The following TSNAXIP1 variants were observed in gnomAD, a reference collection of about 807,000 sequenced individuals.
The protein encoded by TSNAXIP1 is translin associated factor X interacting protein 1.
TSNAXIP1 carries 89 observed loss-of-function variants against 84.8 expected under a neutral mutation model. That is an observed-to-expected ratio of 1.05 (90% confidence interval 0.88 to 1.25). TSNAXIP1 has a LOEUF of 1.25. Ranked by LOEUF, TSNAXIP1 falls within the 50% of genes most tolerant of loss-of-function variation. The pLI is 0.00. For synonymous variants in TSNAXIP1, 347 were observed against 335.2 expected, an observed-to-expected ratio of 1.04 and a Z score of -0.39; for missense variants, 874 against 887.6, an observed-to-expected ratio of 0.98 and a Z score of 0.20.
rs761811544 is a variant in TSNAXIP1 at position 67,825,697 on chromosome 16, C to T, written c.845C>T (p.Thr282Ile). Residue 282 changes from threonine to isoleucine, a missense_variant, in exon 8 of 16, where the codon ACC becomes ATC. By Grantham distance (89) the Thr-to-Ile change is moderately conservative. Coordinates refer to ENST00000561639, the MANE Select transcript of TSNAXIP1 (RefSeq NM_001288990.3). ...TGGGGGGAGGACCCTGTGAAGTTAA[C>T]CCTGGCTCTTAAGATGACCCGGCAA... Reference protein sequence around the residue: ...GIWGEDPVKLTLALKMTRQDL... With the variant: ...GIWGEDPVKLILALKMTRQDL... The T allele has an allele frequency of 9.9e-6, 16 of 1,614,008 alleles. No homozygotes were observed. Among genetic ancestry groups the T allele is most frequent in the African/African-American group, 1.3e-5 (1 of 75,040 alleles).
chr16:67,815,503 T>C (rs1036317163), intron 2 of TSNAXIP1, among the ~76,000 whole-genome samples: 2 of 151,840 alleles, frequency 1.3e-5, no homozygotes, highest in Non-Finnish European at 2.9e-5. Flanking sequence ...ACCCAGCTAA[T>C]TTTTTTGGCA....
In TSNAXIP1 at chr16:67,825,262, C is replaced by T; in HGVS notation, c.804C>T (p.Ala268=). Residue 268 remains alanine (A), a synonymous_variant, in exon 7 of 16, where the codon GCC becomes GCT. Transcript: ENST00000561639. ...ACCAGCGGGAGGACATGTCATTAGC[C>T]CAGTCGCCAGGTAAGCCTGAATTGG... ...LRYQREDMSL[A]QSPGIWGEDP... is the part of the protein sequence containing the mutation. The T allele has an allele frequency of 6.2e-7, 1 of 1,614,098 alleles. No individual in the cohort carries two copies.
At chr16:67,813,700 C>G (rs576166367) in intron 1 of TSNAXIP1, among the ~76,000 whole-genome samples, 5 of 141,314 alleles carry the variant, frequency 3.5e-5, no homozygotes, top group Non-Finnish European at 7.6e-5. Context: ...CCACTGCACT[C>G]CAGCCTGGGT....
intron 2 of TSNAXIP1, among the ~76,000 whole-genome samples, chr16:67,818,800 T>A (rs1020264329): frequency 2.0e-5 from 3 of 150,264 alleles, no homozygotes; most frequent in East Asian, 2.0e-4. Context: ...GCCTCCAGGG[T>A]TGAGGCAATT....
chr16:67,825,088 T>C (rs746967513), intron 6 of TSNAXIP1, 49 bp from the exon 7 acceptor site: 1 of 1,600,772 alleles, frequency 6.2e-7, no homozygotes, highest in Non-Finnish European at 8.5e-7. Flanking sequence ...ACCAGCTGCA[T>C]ACAGGGGTCC....
chr16:67,810,195 T>A (rs1401063153), intron 1 of TSNAXIP1, among the ~76,000 whole-genome samples: 1 of 152,044 alleles, frequency 6.6e-6, no homozygotes, highest in African/African-American at 2.4e-5. Context: ...CTGGGGCAGG[T>A]TTCTCCTCCC....
chr16:67,824,809 G>T, intron 6 of TSNAXIP1, 30 bp downstream of exon 6: 1 of 1,602,142 alleles, frequency 6.2e-7, no homozygotes, highest in Non-Finnish European at 8.5e-7. Context: ...TGATGACCAA[G>T]TCCCCGAATT....
chr16:67,807,306 C>T, intron 1 of TSNAXIP1, 110 bp downstream of exon 1: 3 of 1,534,678 alleles, frequency 2.0e-6, no homozygotes, highest in Non-Finnish European at 8.7e-7. Context: ...GACCATTGAT[C>T]TAGGGCTCCA....
At chr16:67,814,190 C>A (rs1217210165) in intron 1 of TSNAXIP1, 112 bp from the exon 2 acceptor site, 3 of 844,790 alleles carry the variant, frequency 3.6e-6, no homozygotes, top group Non-Finnish European at 5.6e-6. Flanking sequence ...GGAGGCAGCA[C>A]CCAGAGCCTG....
chr16:67,815,636 C>G (rs1053964625), intron 2 of TSNAXIP1, among the ~76,000 whole-genome samples: 5 of 151,826 alleles, frequency 3.3e-5, no homozygotes, highest in Middle Eastern at 3.2e-3. Context: ...GTAGCTGAGA[C>G]TACAGGAGTG....
intron 5 of TSNAXIP1, among the ~76,000 whole-genome samples, chr16:67,824,315 C>G (rs1336363204): frequency 6.6e-6 from 1 of 152,182 alleles, no homozygotes; most frequent in Non-Finnish European, 1.5e-5. Context: ...CCCTGCCAGG[C>G]TCAGGAGGTG....
intron 3 of TSNAXIP1, 44 bp from the exon 4 acceptor site, chr16:67,821,055 C>T: frequency 6.2e-7 from 1 of 1,611,172 alleles, no homozygotes; most frequent in Non-Finnish European, 8.5e-7. Flanking sequence ...GGCACAAGGG[C>T]CCCGTGGGGG....
In TSNAXIP1 at chr16:67,824,992, G is replaced by A. The variant is rs116393843; in HGVS notation, c.679-145G>A. The stretch of plus-strand genomic sequence containing the variant: ...ACATTGGCACCTTGCCGAATTCTCA[G>A]AAATGGCCAATCTCCTTCTTCTTTC... On this transcript the variant is annotated intron_variant, in intron 6 of 15. Coordinates refer to ENST00000561639, the MANE Select transcript of TSNAXIP1 (RefSeq NM_001288990.3). The A allele has an allele frequency of 3.9e-3, 4,903 of 1,269,508 alleles. 47 individuals carry two copies. Among genetic ancestry groups the A allele is most frequent in the African/African-American group, 0.022 (1,471 of 66,580 alleles). The allele number at this position is 1,269,508 out of a possible 1,614,324, so 78.6% of individuals were successfully genotyped here. A position where few individuals can be genotyped will look rare whatever the true frequency, so the allele number is the denominator to read the frequency against.
chr16:67,818,956 C>T (rs2056814227), intron 2 of TSNAXIP1, among the ~76,000 whole-genome samples: 1 of 151,924 alleles, frequency 6.6e-6, no homozygotes, highest in African/African-American at 2.4e-5. Flanking sequence ...CGCTTGCCTC[C>T]GCCTCCCAAA....
intron 1 of TSNAXIP1, 28 bp from the exon 2 acceptor site, chr16:67,814,274 C>T: frequency 6.7e-7 from 1 of 1,500,592 alleles, no homozygotes; most frequent in Non-Finnish European, 9.0e-7. Flanking sequence ...CTCTGTCACC[C>T]ACCATCAGCT....
chr16:67,807,568 G>T (rs2055565668), intron 1 of TSNAXIP1: 1 of 399,634 alleles, frequency 2.5e-6, no homozygotes, highest in Non-Finnish European at 4.5e-6. Flanking sequence ...GGGCTCAAGC[G>T]ATCCTTCTAC....
intron 2 of TSNAXIP1, among the ~76,000 whole-genome samples, chr16:67,819,815 ATTTTTTT>A (rs1162375778): frequency 9.7e-6 from 1 of 102,662 alleles, no homozygotes; most frequent in South Asian, 3.3e-4. Context: ...ACCTGGCTAA[ATTTTTTT>A]TTTTTTTTTT....
In TSNAXIP1 at chr16:67,807,056, G is replaced by C. The variant is rs1193712550; in HGVS notation, c.-94G>C. On this transcript the variant is annotated 5_prime_UTR_variant, in exon 1 of 16. Transcript: ENST00000561639. ...ATCCCTGACTCCGCCCCCGCCGCGG[G>C]GGGGCCTCTGGGGCCTGGTCGCCAT... The C allele has an allele frequency of 4.0e-6, 6 of 1,491,294 alleles. No homozygotes were observed. Among genetic ancestry groups the C allele is most frequent in the Non-Finnish European group, 5.3e-6 (6 of 1,124,398 alleles). 92.4% of individuals were successfully genotyped at this position (1,491,294 alleles called of 1,614,324 possible).
chr16:67,809,219 C>T (rs1452175978), intron 1 of TSNAXIP1, among the ~76,000 whole-genome samples: 3 of 131,054 alleles, frequency 2.3e-5, no homozygotes, highest in East Asian at 2.2e-4. Flanking sequence ...CCTGTAATCC[C>T]AGCACTTTGG....
Sources: gnomAD v4.1 joint callset for allele counts (sites outside exome capture counted in the v4.1 genomes callset) on GRCh38, gnomAD v4.1.1 for gene constraint, MANE v1.5 for transcripts, NCBI Gene and HGNC (gene_info 2026-07-23, HGNC 2026-07-21) for gene names.